The following ATP2A1 variants were observed in gnomAD, a reference collection of about 807,000 sequenced individuals.
The protein encoded by ATP2A1 is ATPase sarcoplasmic/endoplasmic reticulum Ca2+ transporting 1, also known as sarcoplasmic/endoplasmic reticulum calcium ATPase 1.
In ATP2A1, 83 loss-of-function variants were observed where a neutral mutation model predicts 109.5. That is an observed-to-expected ratio of 0.76 (90% CI 0.63 to 0.91). The LOEUF (loss-of-function observed/expected upper bound fraction) is 0.91. Among genes scored for constraint, ATP2A1 ranks in the 40% least tolerant of loss-of-function variants. The probability of loss-of-function intolerance (pLI) is 0.00; values close to 1 mark genes in which losing one functional copy is unlikely to be tolerated. For missense variants in ATP2A1, 1,101 were observed against 1,341.0 expected (o/e 0.82, Z 2.80); for synonymous variants, 505 against 537.6 (o/e 0.94, Z 0.84).
At chr16:28,900,256 G>T (rs981164380) in intron 14 of ATP2A1, among the ~76,000 whole-genome samples, 2 of 150,470 alleles carry the variant, frequency 1.3e-5, no homozygotes, top group African/African-American at 4.9e-5. Context: ...AGCTATGATC[G>T]CACCGTTGTA....
intron 10 of ATP2A1, 108 bp from the exon 11 acceptor site, chr16:28,894,397 C>A: frequency 2.3e-6 from 3 of 1,311,040 alleles, no homozygotes; most frequent in Non-Finnish European, 2.2e-6. Flanking sequence ...GCTCTCCCCA[C>A]TGTCCTTCCT....
At chr16:28,885,215 C>T (rs963696301) in intron 6 of ATP2A1, among the ~76,000 whole-genome samples, 1 of 150,118 alleles carries the variant, frequency 6.7e-6, no homozygotes, top group Non-Finnish European at 1.5e-5. Context: ...TGTCACTGCA[C>T]TCCAGCATGG....
intron 9 of ATP2A1, among the ~76,000 whole-genome samples, chr16:28,891,595 A>ATAATAATAATAAAATAAAAC (rs1567485047): frequency 6.7e-6 from 1 of 150,292 alleles, no homozygotes. Context: ...GTCTCAAAAA[A>ATAATAATAATAAAATAAAAC]AAAAAAAAAA....
At position 28,902,456 on chromosome 16, in the gene ATP2A1, C is replaced by T. The variant is rs1381141701; in HGVS notation, c.2524+70C>T. Reference sequence around the variant, plus strand: ...ACCCCCTCTCTGGGACACCAGCTCCCCCATGCAGGTGCTGAGAGGGTCTTC... The same window carrying T: ...ACCCCCTCTCTGGGACACCAGCTCCTCCATGCAGGTGCTGAGAGGGTCTTC... On this transcript the variant is annotated intron_variant, in intron 17 of 22. Coordinates refer to ENST00000395503, the MANE Select transcript of ATP2A1 (RefSeq NM_004320.6). This position sits in a 1 kb window ranked among gnomAD's most constrained non-coding sequence, Gnocchi z 4.8. 1 of 1,582,286 alleles carries T rather than the reference C, an allele frequency of 6.3e-7. No individual in the cohort carries two copies. Among genetic ancestry groups the T allele is most frequent in the African/African-American group, 1.3e-5 (1 of 74,312 alleles).
intron 6 of ATP2A1, among the ~76,000 whole-genome samples, chr16:28,885,107 G>T (rs1213515624): frequency 6.6e-6 from 1 of 151,918 alleles, no homozygotes; most frequent in Non-Finnish European, 1.5e-5. Flanking sequence ...AAATTAGCCA[G>T]GCGTGGTGGC....
rs1446136088 is a variant in ATP2A1, at chr16:28,898,094, G to A, written c.1514G>A (p.Arg505Gln). Residue 505 changes from arginine to glutamine, a missense_variant, in exon 13 of 23, where the codon CGG (arginine) becomes CAG (glutamine). Physicochemically the swap from Arg to Gln is conservative, Grantham distance 43. Transcript: ENST00000395503. This position sits in a 1 kb window ranked among gnomAD's most constrained non-coding sequence, Gnocchi z 4.0. ...TATTGCTCCCCAGCCAAATCTTCCC[G>A]GGCTGCTGTGGGCAACAAGATGTTT... The part of the protein sequence containing the change: ...SVYCSPAKSS[R>Q]AAVGNKMFVK... 4.3e-6 allele frequency: 7 copies of A among 1,613,898 alleles called. No individual in the cohort carries two copies. The highest frequency in any genetic ancestry group is 2.2e-5 in the South Asian group (2 of 91,078).
In ATP2A1 at chr16:28,880,610, G is replaced by A. The variant is rs544003099; in HGVS notation, c.220-305G>A. ...GTGGGATGGATGTGGCTGTGCGGGGGGTTGGCCTGAGCTTCGCTTCTAAGC... is the reference window on the plus strand; with the variant it reads ...GTGGGATGGATGTGGCTGTGCGGGGAGTTGGCCTGAGCTTCGCTTCTAAGC... On this transcript the variant is annotated intron_variant, in intron 3 of 22. Coordinates refer to ENST00000395503, the MANE Select transcript of ATP2A1 (RefSeq NM_004320.6). The surrounding 1 kb of genome is among the most constrained non-coding windows in gnomAD (Gnocchi z 4.2). 4.6e-5 allele frequency among the ~76,000 whole-genome samples: 7 copies of A among 152,360 alleles called. No individual in the cohort carries two copies. The South Asian group carries it at 1.2e-3, about 27-fold the overall frequency.
chr16:28,879,906 C>T (rs988003871), intron 3 of ATP2A1: 2 of 779,076 alleles, frequency 2.6e-6, no homozygotes, highest in Middle Eastern at 5.2e-4. Flanking sequence ...ATGCCGGCTG[C>T]GGCGCGGGGG....
At chr16:28,896,089 T>C (rs561968213) in intron 12 of ATP2A1, among the ~76,000 whole-genome samples, 2 of 152,206 alleles carry the variant, frequency 1.3e-5, no homozygotes, top group Non-Finnish European at 2.9e-5. Flanking sequence ...GCCTTCCAAG[T>C]AGATGAAGCT....
At chr16:28,884,534 C>T in intron 5 of ATP2A1, 41 bp from the exon 6 acceptor site, 1 of 1,562,770 alleles carries the variant, frequency 6.4e-7, no homozygotes, top group Non-Finnish European at 8.8e-7. Context: ...GAAGAAAATT[C>T]CATTCCCAAG....
At chr16:28,885,776 C>G (rs1237572601) in intron 6 of ATP2A1, among the ~76,000 whole-genome samples, 4 of 152,100 alleles carry the variant, frequency 2.6e-5, no homozygotes, top group Non-Finnish European at 5.9e-5. Context: ...ACAGACACCT[C>G]GAGAACTGTC....
chr16:28,900,763 C>T lies in ATP2A1; in HGVS notation c.1947C>T (p.Ala649=), dbSNP rs1457880055. The T allele has an allele frequency of 1.1e-5, 18 of 1,614,076 alleles. 1 individual carries two copies. Among genetic ancestry groups the T allele is most frequent in the South Asian group, 3.3e-5 (3 of 91,092 alleles). Residue 649 remains alanine (A), a synonymous_variant, in exon 15 of 23, where the codon GCC becomes GCT. Transcript: ENST00000395503. ...IGIFGENEEV[A]DRAYTGREFD... ...TCTTTGGGGAGAACGAGGAGGTGGC[C>T]GATCGCGCCTACACGGGCCGAGAGT...
rs1363386999 is a variant in ATP2A1, at chr16:28,902,899, A to AT, written c.2733dup (p.Ala912CysfsTer40). On this transcript the variant is annotated frameshift_variant, in exon 19 of 23. Transcript: ENST00000395503. LOFTEE classifies it high-confidence loss of function. The surrounding 1 kb of genome is among the most constrained non-coding windows in gnomAD (Gnocchi z 4.8). The stretch of plus-strand genomic sequence containing the variant: ...GTGCTGGTGACCATCGAGATGTGCA[A>AT]TGCACTGAACAGGTGGGGGCCCCCC... 1 of 1,613,690 alleles carries AT rather than the reference A, an allele frequency of 6.2e-7. No individual in the cohort carries two copies. The highest frequency in any genetic ancestry group is 1.3e-5 in the African/African-American group (1 of 74,798).
Position 28,880,829 on chromosome 16 carries a change from GTTCTCCCCTT to G in ATP2A1, c.220-84_220-75del, listed in dbSNP as rs1364298885. 2.3e-6 allele frequency: 3 copies of G among 1,325,888 alleles called. No individual in the cohort carries two copies. In the East Asian group the frequency reaches 6.9e-5, roughly 31 times the overall value. 82.1% of individuals were successfully genotyped at this position (1,325,888 alleles called of 1,614,324 possible). A position where few individuals can be genotyped will look rare whatever the true frequency, so the allele number is the denominator to read the frequency against. On this transcript the variant is annotated intron_variant, in intron 3 of 22. Transcript: ENST00000395503. The surrounding 1 kb of genome is among the most constrained non-coding windows in gnomAD (Gnocchi z 4.2). ...GCTGGCTCCTGCACTCTCCTGCACAGTTCTCCCCTTTGCAGTGGTCCACTTCCTTTCTCCA... is the reference window on the plus strand; with the variant it reads ...GCTGGCTCCTGCACTCTCCTGCACAGTGCAGTGGTCCACTTCCTTTCTCCA...
chr16:28,879,920 A>C (rs1963408834), intron 3 of ATP2A1: 1 of 870,824 alleles, frequency 1.1e-6, no homozygotes, highest in Non-Finnish European at 1.4e-6. Flanking sequence ...GCGGGGGGCC[A>C]CTGCCACTCC....
intron 3 of ATP2A1, chr16:28,879,883 G>T (rs1963405606): frequency 1.6e-6 from 1 of 635,324 alleles, no homozygotes; most frequent in African/African-American, 2.0e-5. Flanking sequence ...TCCGGGCTCC[G>T]GGTCCCGCCG....
chr16:28,900,140 A>T (rs1329216055), intron 14 of ATP2A1, among the ~76,000 whole-genome samples: 1 of 146,532 alleles, frequency 6.8e-6, no homozygotes, highest in South Asian at 2.2e-4. Flanking sequence ...ACTAAAAATT[A>T]AAAAAAAAAA....
In ATP2A1 at chr16:28,903,580, C is replaced by A. The variant is rs969726098; in HGVS notation, c.2981-120C>A. ...ACCTGTGTCCGCCCCGTTCCCCCTG[C>A]GCCTGCAGGGGCCACATCTCCGGGG... is the stretch of plus-strand genomic sequence containing the variant. On this transcript the variant is annotated intron_variant, in intron 21 of 22. Transcript: ENST00000395503. This position sits in a 1 kb window ranked among gnomAD's most constrained non-coding sequence, Gnocchi z 5.6. The A allele has an allele frequency of 1.7e-6, 2 of 1,206,064 alleles. No individual in the cohort carries two copies. Among genetic ancestry groups the A allele is most frequent in the African/African-American group, 1.5e-5 (1 of 66,498 alleles). The allele number at this position is 1,206,064 out of a possible 1,614,324, so 74.7% of individuals were successfully genotyped here. A position where few individuals can be genotyped will look rare whatever the true frequency, so the allele number is the denominator to read the frequency against.
At chr16:28,890,526 A>G (rs1414909235) in intron 9 of ATP2A1, among the ~76,000 whole-genome samples, 2 of 151,340 alleles carry the variant, frequency 1.3e-5, no homozygotes, top group East Asian at 3.9e-4. Flanking sequence ...ACGGTGGCTC[A>G]CGCCTGTAAT....
Sources: gnomAD v4.1 joint callset for allele counts (sites outside exome capture counted in the v4.1 genomes callset) on GRCh38, gnomAD v4.1.1 for gene constraint, Gnocchi (gnomAD v3.1) non-coding constraint, MANE v1.5 for transcripts, NCBI Gene and HGNC (gene_info 2026-07-23, HGNC 2026-07-21) for gene names.